NRG1: variants seen among roughly 807,000 people sequenced by gnomAD.
NRG1 encodes the protein neuregulin 1, also known as pro-neuregulin-1, membrane-bound isoform.
NRG1 carries 18 observed loss-of-function variants against 63.8 expected under a neutral mutation model. The ratio of observed to expected loss-of-function variants is 0.28; its 90% confidence interval spans 0.19 to 0.42. The LOEUF is 0.42. Among genes scored for constraint, NRG1 ranks in the 10% least tolerant of loss-of-function variants. The pLI is 1.00. For synonymous variants in NRG1, 302 were observed against 301.3 expected (o/e 1.00, Z -0.02); for missense variants, 762 against 814.7 (o/e 0.94, Z 0.79).
chr8:31,705,693 G>A (rs1811082273), intron 1 of NRG1, among the ~76,000 whole-genome samples: 1 of 152,024 alleles, frequency 6.6e-6, no homozygotes, highest in Non-Finnish European at 1.5e-5. Context: ...TTCCCAATTA[G>A]TCTCTGCTAA....
rs771423000 is a variant in NRG1 at position 32,010,260 on chromosome 8, C to T, written c.37+370829C>T. On this transcript the variant is annotated intron_variant, in intron 1 of 10. Coordinates refer to the NRG1 transcript ENST00000519301. ...CCTCATAGGGTCCAACATGCAGTAT[C>T]CTAAAAGAAAACGAAGTAAACAATT... 4.6e-5 allele frequency among the ~76,000 whole-genome samples: 7 copies of T among 152,086 alleles called. No individual in the cohort carries two copies. In the East Asian group the frequency reaches 1.4e-3, roughly 29 times the overall value.
intron 1 of NRG1, among the ~76,000 whole-genome samples, chr8:32,329,125 C>A (rs1203727254): frequency 1.3e-5 from 2 of 152,148 alleles, no homozygotes; most frequent in Non-Finnish European, 2.9e-5. Context: ...CATCACCATG[C>A]CTGGCTAATT....
chr8:32,651,600 A>C (rs1304527943), intron 5 of NRG1, among the ~76,000 whole-genome samples: 1 of 152,132 alleles, frequency 6.6e-6, no homozygotes, highest in East Asian at 1.9e-4. Flanking sequence ...AGATTCTTGG[A>C]TGCAAGAATG....
At chr8:31,724,847 T>G (rs1185655225) in intron 1 of NRG1, among the ~76,000 whole-genome samples, 2 of 152,134 alleles carry the variant, frequency 1.3e-5, no homozygotes, top group East Asian at 3.9e-4. Context: ...TACAGCATTC[T>G]AGGTCAGAGG....
intron 1 of NRG1, among the ~76,000 whole-genome samples, chr8:31,767,150 C>T (rs1169286811): frequency 1.1e-4 from 16 of 152,112 alleles, no homozygotes; most frequent in Admixed American, 1.0e-3. Flanking sequence ...TTCATGACCG[C>T]CATTGTGAGT....
At chr8:31,865,008 A>C (rs1027496508) in intron 1 of NRG1, among the ~76,000 whole-genome samples, 7 of 152,172 alleles carry the variant, frequency 4.6e-5, no homozygotes, top group African/African-American at 1.7e-4. Context: ...TACTTCTAGC[A>C]TGCTTTGCTT....
At chr8:32,598,115 AGGTATAG>A (rs1843680242) in intron 2 of NRG1, among the ~76,000 whole-genome samples, 1 of 152,158 alleles carries the variant, frequency 6.6e-6, no homozygotes, top group South Asian at 2.1e-4. Flanking sequence ...GAAATTAAAG[AGGTATAG>A]GGCATTACAA....
intron 1 of NRG1, among the ~76,000 whole-genome samples, chr8:31,702,896 C>T (rs1010670890): frequency 5.9e-5 from 9 of 151,790 alleles, no homozygotes; most frequent in African/African-American, 1.9e-4. Flanking sequence ...TAACATTTCT[C>T]AAATTGTTTA....
chr8:32,531,890 A>G (rs1831489843), intron 1 of NRG1, among the ~76,000 whole-genome samples: 1 of 152,220 alleles, frequency 6.6e-6, no homozygotes, highest in Non-Finnish European at 1.5e-5. Context: ...CAAACACAGA[A>G]AACTTCCTAA....
intron 9 of NRG1, among the ~76,000 whole-genome samples, chr8:32,757,663 TTATAA>T (rs1366744438): frequency 3.9e-5 from 6 of 152,238 alleles, no homozygotes; most frequent in African/African-American, 1.2e-4. Context: ...ACTCTGCATG[TTATAA>T]TATATAAACG....
intron 1 of NRG1, among the ~76,000 whole-genome samples, chr8:32,487,013 A>G (rs1009293303): frequency 2.6e-5 from 4 of 152,190 alleles, no homozygotes; most frequent in Admixed American, 2.0e-4. Context: ...ATGTTACTGA[A>G]GTGAATATGA....
chr8:32,771,276 ATTTTTTTTTTTT>A (rs553989637), downstream of NRG1, among the ~76,000 whole-genome samples: 150 of 92,766 alleles, frequency 1.6e-3, 1 homozygote, highest in African/African-American at 6.1e-4. Flanking sequence ...ATGCCCAGCG[ATTTTTTTTTTTT>A]TTTTTTTTTT....
At chr8:32,474,405 C>T (rs1367161391) in intron 1 of NRG1, among the ~76,000 whole-genome samples, 2 of 152,108 alleles carry the variant, frequency 1.3e-5, no homozygotes, top group East Asian at 3.9e-4. Context: ...ATTCTACAGG[C>T]ATGCAGATAT....
chr8:32,551,356 A>G (rs1389774181), intron 1 of NRG1, among the ~76,000 whole-genome samples: 1 of 152,044 alleles, frequency 6.6e-6, no homozygotes, highest in Non-Finnish European at 1.5e-5. Context: ...AGCCACTGCA[A>G]CTGTCTGTCC....
At chr8:32,555,573 G>A (rs1196501177) in intron 1 of NRG1, among the ~76,000 whole-genome samples, 3 of 152,142 alleles carry the variant, frequency 2.0e-5, no homozygotes, top group Non-Finnish European at 2.9e-5. Flanking sequence ...CCGGGTTCAC[G>A]CCATTCTCCT....
intron 1 of NRG1, among the ~76,000 whole-genome samples, chr8:31,783,680 G>A (rs1258846758): frequency 1.3e-5 from 2 of 152,006 alleles, no homozygotes; most frequent in East Asian, 3.9e-4. Flanking sequence ...TTACCCCCAG[G>A]TGGATGTTTC....
chr8:32,492,343 G>A (rs1157540368), intron 1 of NRG1, among the ~76,000 whole-genome samples: 1 of 151,708 alleles, frequency 6.6e-6, no homozygotes, highest in Non-Finnish European at 1.5e-5. Context: ...TTGGTATTTG[G>A]TTTTGCAACT....
intron 1 of NRG1, among the ~76,000 whole-genome samples, chr8:32,500,105 G>T (rs1283666035): frequency 6.6e-6 from 1 of 152,106 alleles, no homozygotes; most frequent in African/African-American, 2.4e-5. Flanking sequence ...CTTGTGTCTG[G>T]CAACTGAGTC....
intron 1 of NRG1, among the ~76,000 whole-genome samples, chr8:32,016,743 A>G (rs1815611028): frequency 6.6e-6 from 1 of 152,200 alleles, no homozygotes; most frequent in South Asian, 2.1e-4. Context: ...ATAACCAGCC[A>G]TATTAAAGGC....
Sources: allele counts gnomAD v4.1 joint callset (sites outside exome capture counted in the v4.1 genomes callset), GRCh38; gene constraint gnomAD v4.1.1; transcripts MANE v1.5; gene names NCBI Gene and HGNC (gene_info 2026-07-23, HGNC 2026-07-21).